The following NLGN1 variants were observed in gnomAD, a reference collection of about 807,000 sequenced individuals.
NLGN1 encodes neuroligin 1.
A neutral mutation model predicts 65.5 loss-of-function variants in NLGN1; 12 were observed. That is an observed-to-expected ratio of 0.18 (90% confidence interval 0.12 to 0.30). NLGN1 has a LOEUF of 0.30. Among genes scored for constraint, NLGN1 ranks in the 10% least tolerant of loss-of-function variants. The pLI, the probability that NLGN1 is intolerant of heterozygous loss-of-function variation, is 1.00. For missense variants in NLGN1, 750 were observed against 1,007.1 expected, an observed-to-expected ratio of 0.74 and a Z score of 3.46; for synonymous variants, 350 against 359.5, an observed-to-expected ratio of 0.97 and a Z score of 0.30.
intron 4 of NLGN1, among the ~76,000 whole-genome samples, chr3:174,088,849 A>C (rs1743976545): frequency 6.6e-6 from 1 of 152,002 alleles, no homozygotes; most frequent in Non-Finnish European, 1.5e-5. Flanking sequence ...ACAAGGATCC[A>C]AATATTTCAA....
chr3:173,915,539 G>A (rs1740553848), intron 4 of NLGN1, among the ~76,000 whole-genome samples: 1 of 152,106 alleles, frequency 6.6e-6, no homozygotes, highest in South Asian at 2.1e-4. Flanking sequence ...CCCTTATCAA[G>A]GATTCTTTGC....
chr3:173,855,630 A>G (rs938845809), intron 4 of NLGN1, among the ~76,000 whole-genome samples: 2 of 152,118 alleles, frequency 1.3e-5, no homozygotes, highest in African/African-American at 4.8e-5. Context: ...CAAAATAAAG[A>G]ATGACCACAA....
intron 3 of NLGN1, among the ~76,000 whole-genome samples, chr3:173,609,065 A>T (rs1418452958): frequency 6.6e-6 from 1 of 151,950 alleles, no homozygotes; most frequent in East Asian, 1.9e-4. Context: ...CTCTCCTGTG[A>T]GAGTCGCTAA....
intron 3 of NLGN1, among the ~76,000 whole-genome samples, chr3:173,635,443 A>G (rs550420086): frequency 1.4e-3 from 212 of 152,252 alleles, no homozygotes; most frequent in Middle Eastern, 3.4e-3. Flanking sequence ...TTGAAAAACT[A>G]TTATTCATCT....
intron 2 of NLGN1, among the ~76,000 whole-genome samples, chr3:173,574,066 A>AAG (rs1745106633): frequency 1.3e-5 from 2 of 149,630 alleles, no homozygotes; most frequent in African/African-American, 4.9e-5. Context: ...CCACCTCAAA[A>AAG]AAAAAAAAAA....
At position 174,167,838 on chromosome 3, in the gene NLGN1, A is replaced by G. The variant is rs144895829; in HGVS notation, c.647-107477A>G. 9.5e-4 allele frequency among the ~76,000 whole-genome samples: 145 copies of G among 152,016 alleles called. 3 individuals carry two copies. In the East Asian group the frequency reaches 0.012, roughly 12 times the overall value. On this transcript the variant is annotated intron_variant, in intron 4 of 6. Coordinates refer to ENST00000457714, the Ensembl canonical transcript of NLGN1. ...TTTTCTTTCTCTCTCAGAAATGCCA[A>G]TAATTAACAGGTTTGCTAACTTTAC... is the stretch of plus-strand genomic sequence containing the variant.
intron 3 of NLGN1, among the ~76,000 whole-genome samples, chr3:173,633,666 G>GGCCA (rs1424012388): frequency 1.3e-5 from 2 of 152,132 alleles, no homozygotes; most frequent in African/African-American, 4.8e-5. Context: ...TGAGAAGGTA[G>GGCCA]GCCAGCCCTT....
intron 4 of NLGN1, among the ~76,000 whole-genome samples, chr3:173,901,217 T>C (rs1007361386): frequency 6.6e-6 from 1 of 152,130 alleles, no homozygotes; most frequent in Admixed American, 6.6e-5. Context: ...CACATATATA[T>C]GCACTCCTTA....
intron 4 of NLGN1, among the ~76,000 whole-genome samples, chr3:173,971,580 T>G (rs931888251): frequency 1.3e-5 from 2 of 151,984 alleles, no homozygotes; most frequent in Non-Finnish European, 2.9e-5. Flanking sequence ...GAAATTTTAG[T>G]TAAAAATTTC....
chr3:173,920,456 T>G (rs954928152), intron 4 of NLGN1: 1 of 152,134 alleles, frequency 6.6e-6, no homozygotes, highest in African/African-American at 2.4e-5. Context: ...TGGCACAAAG[T>G]TTACTCAAAT....
intron 2 of NLGN1, among the ~76,000 whole-genome samples, chr3:173,511,401 C>T (rs114460856): frequency 8.7e-4 from 132 of 152,200 alleles, no homozygotes; most frequent in African/African-American, 3.1e-3. Flanking sequence ...ACCCAAAGTC[C>T]ATTGTTAACA....
chr3:173,994,491 A>AAAAG (rs10688223), intron 4 of NLGN1, among the ~76,000 whole-genome samples: 12 of 81,194 alleles, frequency 1.5e-4, no homozygotes, highest in Non-Finnish European at 2.4e-4. Flanking sequence ...AAAAAAAAAA[A>AAAAG]AGAGAGAGAG....
At chr3:173,460,289 A>G (rs540971421) in intron 2 of NLGN1, among the ~76,000 whole-genome samples, 1 of 152,154 alleles carries the variant, frequency 6.6e-6, no homozygotes, top group African/African-American at 2.4e-5. Context: ...AGGAGGCAAC[A>G]TGCTTCATAA....
At chr3:173,979,777 CGT>C (rs1232118983) in intron 4 of NLGN1, among the ~76,000 whole-genome samples, 1 of 152,100 alleles carries the variant, frequency 6.6e-6, no homozygotes, top group Non-Finnish European at 1.5e-5. Context: ...ATCACCATAT[CGT>C]GTTATTGACT....
At chr3:173,672,609 CCAT>C (rs1452798509) in intron 3 of NLGN1, among the ~76,000 whole-genome samples, 1 of 152,160 alleles carries the variant, frequency 6.6e-6, no homozygotes, top group Non-Finnish European at 1.5e-5. Context: ...AATGGGAGAG[CCAT>C]GTAGATTGCC....
intron 2 of NLGN1, among the ~76,000 whole-genome samples, chr3:173,452,508 T>G (rs553508198): frequency 6.6e-6 from 1 of 152,250 alleles, no homozygotes; most frequent in East Asian, 1.9e-4. Flanking sequence ...GGCTTTCACA[T>G]TCAAATTTTC....
chr3:174,124,585 GTATA>G (rs1256733268), intron 4 of NLGN1, among the ~76,000 whole-genome samples: 3 of 78,414 alleles, frequency 3.8e-5, no homozygotes, highest in African/African-American at 3.8e-4. Context: ...ACATATATAC[GTATA>G]TATACGTATA....
chr3:173,758,636 T>C (rs540999860), intron 3 of NLGN1, among the ~76,000 whole-genome samples: 1 of 152,136 alleles, frequency 6.6e-6, no homozygotes, highest in African/African-American at 2.4e-5. Flanking sequence ...CTCTGACTTT[T>C]GTAACATATC....
chr3:173,764,871 A>G (rs1778515271), intron 3 of NLGN1, among the ~76,000 whole-genome samples: 1 of 152,118 alleles, frequency 6.6e-6, no homozygotes, highest in African/African-American at 2.4e-5. Context: ...TTGTCAGTGT[A>G]CCCATCAGAC....
Sources: gnomAD v4.1 joint callset for allele counts (sites outside exome capture counted in the v4.1 genomes callset) on GRCh38, gnomAD v4.1.1 for gene constraint, MANE v1.5 for transcripts, NCBI Gene and HGNC (gene_info 2026-07-23, HGNC 2026-07-21) for gene names.